GRB2: variants seen among roughly 807,000 people sequenced by gnomAD.
GRB2 encodes growth factor receptor-bound protein 2.
A neutral mutation model predicts 27.4 loss-of-function variants in GRB2; 2 were observed. That is an observed-to-expected ratio of 0.07 (90% CI 0.03 to 0.23). GRB2 has a LOEUF of 0.23. GRB2 is among the 10% of genes least tolerant of loss of function. The pLI is 1.00. For missense variants in GRB2, 102 were observed against 282.4 expected, an observed-to-expected ratio of 0.36 and a Z score of 4.58; for synonymous variants, 94 against 99.6, an observed-to-expected ratio of 0.94 and a Z score of 0.33.
At chr17:75,343,293 T>G (rs933226219) in intron 2 of GRB2, among the ~76,000 whole-genome samples, 19 of 152,120 alleles carry the variant, frequency 1.2e-4, no homozygotes, top group Non-Finnish European at 1.8e-4. Flanking sequence ...TTTTAATAGC[T>G]ACAACTCTGC....
At chr17:75,342,786 C>T (rs918181132) in intron 2 of GRB2, among the ~76,000 whole-genome samples, 3 of 152,122 alleles carry the variant, frequency 2.0e-5, no homozygotes, top group African/African-American at 7.2e-5. Context: ...GTGGCTCACG[C>T]CTGTAAAATT....
intron 4 of GRB2, among the ~76,000 whole-genome samples, chr17:75,325,519 G>A (rs2078492847): frequency 6.6e-6 from 1 of 152,196 alleles, no homozygotes; most frequent in Non-Finnish European, 1.5e-5. Flanking sequence ...GGGGCTGGTT[G>A]ATTTAAGTCA....
At position 75,354,263 on chromosome 17, in the gene GRB2, TTGG is replaced by T. The variant is rs1173904383; in HGVS notation, c.79-21469_79-21467del. ...CAAAGTTTATTCATGGTCTTTTTTTTTGGGGGGGGGGGGGAGATGGAGTTTCAC... is the reference window on the plus strand; with the variant it reads ...CAAAGTTTATTCATGGTCTTTTTTTTGGGGGGGGGGGAGATGGAGTTTCAC... On this transcript the variant is annotated intron_variant, in intron 2 of 5. Transcript: ENST00000316804. Among the ~76,000 whole-genome samples, 107 of 15,726 alleles carry T rather than the reference TTGG, an allele frequency of 6.8e-3. 4 individuals are homozygous for T. Among genetic ancestry groups the T allele is most frequent in the African/African-American group, 0.011 (103 of 9,744 alleles). 10.3% of individuals were successfully genotyped at this position (15,726 alleles called of 152,430 possible). A position where few individuals can be genotyped will look rare whatever the true frequency, so the allele number is the denominator to read the frequency against.
intron 2 of GRB2, chr17:75,373,523 A>T (rs1478795637): frequency 6.6e-6 from 1 of 152,204 alleles, no homozygotes; most frequent in Non-Finnish European, 1.5e-5. Context: ...CTAATGTTAG[A>T]AACAAAAGTC....
At chr17:75,386,061 G>T (rs1223683926) in intron 2 of GRB2, among the ~76,000 whole-genome samples, 1 of 151,966 alleles carries the variant, frequency 6.6e-6, no homozygotes, top group East Asian at 1.9e-4. Context: ...ATACATAATT[G>T]AAATAAACAT....
chr17:75,371,481 GC>G, intron 2 of GRB2: 1 of 152,018 alleles, frequency 6.6e-6, no homozygotes, highest in African/African-American at 2.4e-5. Flanking sequence ...CTCCCTTCTT[GC>G]CTCCAACACA....
intron 2 of GRB2, among the ~76,000 whole-genome samples, chr17:75,389,085 T>TAC (rs764891498): frequency 9.2e-5 from 14 of 152,114 alleles, no homozygotes; most frequent in Non-Finnish European, 1.2e-4. Flanking sequence ...CAATTCTTTA[T>TAC]ACACACACAC....
chr17:75,325,975 A>G lies in GRB2; in HGVS notation c.222T>C (p.Leu74=), dbSNP rs1164836615. 1 of 1,614,124 alleles carries G rather than the reference A, an allele frequency of 6.2e-7. No individual in the cohort carries two copies. Among genetic ancestry groups the G allele is most frequent in the Non-Finnish European group, 8.5e-7 (1 of 1,179,998 alleles). Residue 74 remains leucine (L), a synonymous_variant, in exon 4 of 6, where the codon CTT becomes CTC. Transcript: ENST00000316804. ...AGGCCCCATCGTGCCGCTGTTTGCT[A>G]AGCATTTCTTCTGCCTTGGCTCTGG... ...KIPRAKAEEM[L]SKQRHDGAFL...
intron 2 of GRB2, among the ~76,000 whole-genome samples, chr17:75,388,065 G>C (rs897031139): frequency 5.9e-5 from 9 of 152,096 alleles, no homozygotes; most frequent in African/African-American, 9.7e-5. Flanking sequence ...TTTGCTTTAA[G>C]AGCACTCAAA....
rs757068682 is a variant in GRB2, at chr17:75,326,028, A to AG, written c.177-9dup. ...ATTTTGCCAAAAAACCACCTAAGGAAGGAAGGCAAGCTGGTCAACATCTGC... is the reference window on the plus strand; with the variant it reads ...ATTTTGCCAAAAAACCACCTAAGGAAGGGAAGGCAAGCTGGTCAACATCTGC... On this transcript the variant is annotated splice_polypyrimidine_tract_variant and intron_variant, in intron 3 of 5. Transcript: ENST00000316804. 9 of 1,614,098 alleles carry AG rather than the reference A, an allele frequency of 5.6e-6. No homozygotes were observed. Among genetic ancestry groups the AG allele is most frequent in the Admixed American group, 3.3e-5 (2 of 60,020 alleles).
At chr17:75,398,368 A>C (rs9892325) in intron 1 of GRB2, among the ~76,000 whole-genome samples, 97,291 of 151,852 alleles carry the variant, frequency 0.64, 37,316 homozygotes, top group East Asian at 0.91. Context: ...TCCTGGGCTC[A>C]AGGGATCCTC....
At chr17:75,379,083 AT>A (rs1443344362) in intron 2 of GRB2, among the ~76,000 whole-genome samples, 1 of 152,194 alleles carries the variant, frequency 6.6e-6, no homozygotes, top group Non-Finnish European at 1.5e-5. Context: ...GCTTACTTTC[AT>A]TATAAAATTT....
At chr17:75,333,760 G>A (rs1250603881) in intron 2 of GRB2, among the ~76,000 whole-genome samples, 1 of 152,174 alleles carries the variant, frequency 6.6e-6, no homozygotes, top group African/African-American at 2.4e-5. Context: ...ATGCCACATT[G>A]TATTAAAGTT....
chr17:75,329,085 C>A (rs1379614265), intron 3 of GRB2, among the ~76,000 whole-genome samples: 2 of 152,034 alleles, frequency 1.3e-5, no homozygotes, highest in Admixed American at 1.3e-4. Flanking sequence ...ATGCAGCATG[C>A]ATCTGACTGG....
At chr17:75,344,051 G>C (rs973746994) in intron 2 of GRB2, among the ~76,000 whole-genome samples, 5 of 152,216 alleles carry the variant, frequency 3.3e-5, no homozygotes, top group Non-Finnish European at 5.9e-5. Flanking sequence ...ACGAATGTCA[G>C]GAGTGGGGAG....
intron 3 of GRB2, 158 bp from the exon 4 acceptor site, chr17:75,326,178 G>A: frequency 2.6e-6 from 2 of 772,072 alleles, no homozygotes; most frequent in Non-Finnish European, 4.2e-6. Flanking sequence ...ACTGGGTTGG[G>A]TCCCCAGAGA....
At chr17:75,327,796 T>A (rs1424690160) in intron 3 of GRB2, among the ~76,000 whole-genome samples, 1 of 152,180 alleles carries the variant, frequency 6.6e-6, no homozygotes, top group Non-Finnish European at 1.5e-5. Flanking sequence ...CCTTAGTAAC[T>A]TTGTCCTTGT....
At chr17:75,342,629 G>C (rs8074421) in intron 2 of GRB2, among the ~76,000 whole-genome samples, 2 of 152,032 alleles carry the variant, frequency 1.3e-5, no homozygotes, top group East Asian at 3.9e-4. Context: ...AGACTGCCAT[G>C]AGTTTGTTGA....
chr17:75,389,329 C>T (rs2078984163), intron 2 of GRB2, among the ~76,000 whole-genome samples: 1 of 152,128 alleles, frequency 6.6e-6, no homozygotes, highest in Non-Finnish European at 1.5e-5. Context: ...AGTCACAACT[C>T]TGCACACACC....
Sources: gnomAD v4.1 joint callset for allele counts (sites outside exome capture counted in the v4.1 genomes callset) on GRCh38, gnomAD v4.1.1 for gene constraint, MANE v1.5 for transcripts, NCBI Gene and HGNC (gene_info 2026-07-23, HGNC 2026-07-21) for gene names.